Variants in PRICKLE1 observed in about 807,000 individuals in gnomAD.
PRICKLE1 encodes prickle planar cell polarity protein 1, also known as prickle-like protein 1.
Under a neutral mutation model 70.2 loss-of-function variants are expected in PRICKLE1, and 14 were observed. That is an observed-to-expected ratio of 0.20 (90% confidence interval 0.13 to 0.31). The LOEUF (loss-of-function observed/expected upper bound fraction) is 0.31, where lower values mean the gene tolerates loss of function less well. Among genes scored for constraint, PRICKLE1 ranks in the 10% least tolerant of loss-of-function variants. The pLI is 1.00. For synonymous variants in PRICKLE1, 357 were observed against 379.9 expected (o/e 0.94, Z 0.70); for missense variants, 821 against 1,026.2 (o/e 0.80, Z 2.73).
intron 1 of PRICKLE1, among the ~76,000 whole-genome samples, chr12:42,521,612 G>A (rs928180813): frequency 1.3e-5 from 2 of 151,876 alleles, no homozygotes; most frequent in Non-Finnish European, 2.9e-5. Flanking sequence ...AGGTCGGGGG[G>A]ATCGCTTAAG....
chr12:42,488,185 C>A (rs952671828), intron 1 of PRICKLE1, among the ~76,000 whole-genome samples: 1 of 152,206 alleles, frequency 6.6e-6, no homozygotes, highest in Non-Finnish European at 1.5e-5. Flanking sequence ...CCCCCAGGCA[C>A]CTCCCTCTCT....
intron 1 of PRICKLE1, among the ~76,000 whole-genome samples, chr12:42,501,526 AAAAAG>A (rs1324759326): frequency 0.02 from 1,890 of 92,370 alleles, 231 homozygotes; most frequent in Middle Eastern, 0.047. Context: ...AAAAAAAAAA[AAAAAG>A]AAAAGAAAAG....
chr12:42,537,447 G>A (rs902765487), intron 1 of PRICKLE1, among the ~76,000 whole-genome samples: 2 of 152,168 alleles, frequency 1.3e-5, no homozygotes, highest in African/African-American at 2.4e-5. Flanking sequence ...TTATAGGCAT[G>A]AGCCACCATG....
chr12:42,526,996 T>A (rs1221318218), intron 1 of PRICKLE1, among the ~76,000 whole-genome samples: 1 of 152,032 alleles, frequency 6.6e-6, no homozygotes, highest in Non-Finnish European at 1.5e-5. Flanking sequence ...GTGCCCAATG[T>A]CACACTGTGG....
At chr12:42,528,049 T>C (rs1163251256) in intron 1 of PRICKLE1, among the ~76,000 whole-genome samples, 1 of 150,820 alleles carries the variant, frequency 6.6e-6, no homozygotes, top group Non-Finnish European at 1.5e-5. Flanking sequence ...AAAATTTACA[T>C]GGTAAAGCTA....
At chr12:42,480,647 T>C (rs1057057433) in intron 1 of PRICKLE1, among the ~76,000 whole-genome samples, 2 of 152,250 alleles carry the variant, frequency 1.3e-5, no homozygotes, top group African/African-American at 4.8e-5. Flanking sequence ...ATTATCTTGA[T>C]TGACCTTGAC....
intron 1 of PRICKLE1, among the ~76,000 whole-genome samples, chr12:42,555,377 T>G (rs1054728637): frequency 6.6e-6 from 1 of 152,208 alleles, no homozygotes; most frequent in African/African-American, 2.4e-5. Flanking sequence ...TTGGCCCAAC[T>G]ATTTTGGGGT....
At chr12:42,531,080 T>C (rs1438035697) in intron 1 of PRICKLE1, among the ~76,000 whole-genome samples, 1 of 139,192 alleles carries the variant, frequency 7.2e-6, no homozygotes, top group Non-Finnish European at 1.5e-5. Context: ...GGAGTCTCGC[T>C]CTGTCTCCCA....
At chr12:42,495,587 T>A (rs1049454121) in intron 1 of PRICKLE1, among the ~76,000 whole-genome samples, 2 of 148,524 alleles carry the variant, frequency 1.3e-5, no homozygotes, top group African/African-American at 2.6e-5. Context: ...TCCATTGAAG[T>A]TTCTTTTTTT....
At chr12:42,513,630 T>C (rs2120412204) in intron 1 of PRICKLE1, among the ~76,000 whole-genome samples, 1 of 152,216 alleles carries the variant, frequency 6.6e-6, no homozygotes, top group Non-Finnish European at 1.5e-5. Context: ...ACTCCCTCTA[T>C]TTACATATCT....
intron 1 of PRICKLE1, among the ~76,000 whole-genome samples, chr12:42,573,618 G>A (rs1940758261): frequency 6.6e-6 from 1 of 152,054 alleles, no homozygotes; most frequent in African/African-American, 2.4e-5. Context: ...TGCCCAGGCT[G>A]GAGTGCAGTG....
intron 1 of PRICKLE1, among the ~76,000 whole-genome samples, chr12:42,581,983 A>G (rs940974949): frequency 7.3e-5 from 11 of 151,106 alleles, no homozygotes; most frequent in South Asian, 2.1e-4. Flanking sequence ...AAGGGGAGGG[A>G]AAAAAAAAGA....
At chr12:42,487,700 G>A (rs947430541) in intron 1 of PRICKLE1, among the ~76,000 whole-genome samples, 1 of 152,126 alleles carries the variant, frequency 6.6e-6, no homozygotes, top group Non-Finnish European at 1.5e-5. Context: ...GTTTGGATTA[G>A]GTCAATGTTT....
chr12:42,467,036 C>T (rs1162836695), intron 5 of PRICKLE1, among the ~76,000 whole-genome samples: 3 of 152,186 alleles, frequency 2.0e-5, no homozygotes, highest in African/African-American at 7.2e-5. Context: ...AACCACCATG[C>T]CCAGCTAATT....
Position 42,464,617 on chromosome 12 carries a change from A to T in PRICKLE1, c.1417T>A (p.Trp473Arg), listed in dbSNP as rs538066196. The change falls in exon 7 of 8, where the codon TGG becomes AGG. Residue 473 changes from tryptophan to arginine, a missense_variant. Transcript: ENST00000345127. This position sits in a 1 kb window ranked among gnomAD's most constrained non-coding sequence, Gnocchi z 4.2. Reference sequence around the variant, plus strand: ...CCCAGTCCATCTTGTGACTGTGCCCAGTACATATCAGACTGGTATTTTTTA... The same window carrying T: ...CCCAGTCCATCTTGTGACTGTGCCCTGTACATATCAGACTGGTATTTTTTA... Reference protein sequence around the residue: ...ASKKYQSDMYWAQSQDGLGDS... With the variant: ...ASKKYQSDMYRAQSQDGLGDS... 4 of 1,613,998 alleles carry T rather than the reference A, an allele frequency of 2.5e-6. No individual in the cohort carries two copies. The South Asian group carries it at 4.4e-5, about 18-fold the overall frequency.
intron 1 of PRICKLE1, among the ~76,000 whole-genome samples, chr12:42,587,031 G>A (rs1940997347): frequency 6.6e-6 from 1 of 152,178 alleles, no homozygotes; most frequent in African/African-American, 2.4e-5. Context: ...GGGGACTCAA[G>A]CTGACTTATT....
chr12:42,491,997 G>A (rs1251520309), intron 1 of PRICKLE1, among the ~76,000 whole-genome samples: 1 of 151,704 alleles, frequency 6.6e-6, no homozygotes, highest in Non-Finnish European at 1.5e-5. Flanking sequence ...TATTGGTCAG[G>A]CTGGTCTCAA....
At chr12:42,526,281 C>A (rs1293538929) in intron 1 of PRICKLE1, among the ~76,000 whole-genome samples, 7 of 151,712 alleles carry the variant, frequency 4.6e-5, no homozygotes, top group Non-Finnish European at 7.4e-5. Flanking sequence ...AGCTTTACAA[C>A]CTGGTAGGGG....
rs1218508261 is a variant in PRICKLE1 at position 42,569,684 on chromosome 12, C to G, written c.-49+19781G>C. Among the ~76,000 whole-genome samples the G allele has an allele frequency of 2.6e-5, 4 of 152,220 alleles. No individual in the cohort carries two copies. In the East Asian group the frequency reaches 7.7e-4, roughly 29 times the overall value. On this transcript the variant is annotated intron_variant, in intron 1 of 7. Coordinates refer to ENST00000345127, the MANE Select transcript of PRICKLE1 (RefSeq NM_153026.3). ...CAGACTTAAAGAAGTAGTCATTTATCTTCCTTTGCTGACCTATGCAATTAA... is the reference window on the plus strand; with the variant it reads ...CAGACTTAAAGAAGTAGTCATTTATGTTCCTTTGCTGACCTATGCAATTAA...
Sources: gnomAD v4.1 joint callset for allele counts (sites outside exome capture counted in the v4.1 genomes callset) on GRCh38, gnomAD v4.1.1 for gene constraint, Gnocchi (gnomAD v3.1) non-coding constraint, MANE v1.5 for transcripts, NCBI Gene and HGNC (gene_info 2026-07-23, HGNC 2026-07-21) for gene names.